NCAM1: variants seen among roughly 807,000 people sequenced by gnomAD.
NCAM1 encodes the protein antigen recognized by monoclonal antibody 5.1H11.
In NCAM1, 14 loss-of-function variants were observed where a neutral mutation model predicts 109.8. The observed-to-expected ratio is 0.13, with a 90% confidence interval of 0.08 to 0.20. NCAM1 has a LOEUF of 0.20. NCAM1 is among the 10% of genes least tolerant of loss of function. NCAM1 has a pLI of 1.00. For missense variants in NCAM1, 774 were observed against 1,109.9 expected (o/e 0.70, Z 4.30); for synonymous variants, 418 against 442.9 (o/e 0.94, Z 0.70).
At chr11:113,024,858 T>A (rs1200378765) in intron 1 of NCAM1, among the ~76,000 whole-genome samples, 1 of 152,224 alleles carries the variant, frequency 6.6e-6, no homozygotes, top group Non-Finnish European at 1.5e-5. Context: ...CTTAAAAAAA[T>A]GTAAGTGAAC....
At chr11:113,117,513 C>T (rs1028032225) in intron 1 of NCAM1, among the ~76,000 whole-genome samples, 1 of 151,890 alleles carries the variant, frequency 6.6e-6, no homozygotes, top group South Asian at 2.1e-4. Context: ...GTCTTATTGG[C>T]GTTTTTGCTT....
chr11:113,050,468 T>C (rs1012490314), intron 1 of NCAM1, among the ~76,000 whole-genome samples: 1 of 152,212 alleles, frequency 6.6e-6, no homozygotes, highest in Non-Finnish European at 1.5e-5. Flanking sequence ...TAATGAACTT[T>C]GTGGAATATC....
chr11:112,968,894 C>T (rs1555066224), intron 1 of NCAM1, among the ~76,000 whole-genome samples: 2 of 152,118 alleles, frequency 1.3e-5, no homozygotes, highest in African/African-American at 4.8e-5. Flanking sequence ...CTCAACAAAC[C>T]TTTGTGAAGT....
Position 113,275,491 on chromosome 11 carries a change from C to A in NCAM1, c.*104C>A. ...ACACACACGCACGCACACACACAAA[C>A]ACACATGCACACACACACATCTCAT... On this transcript the variant is annotated 3_prime_UTR_variant, in exon 20 of 20. Transcript: ENST00000316851. The A allele has an allele frequency of 7.7e-7, 1 of 1,299,956 alleles. No individual in the cohort carries two copies. Among genetic ancestry groups the A allele is most frequent in the South Asian group, 1.4e-5 (1 of 70,014 alleles). The allele number at this position is 1,299,956 out of a possible 1,614,324, so 80.5% of individuals were successfully genotyped here. A position where few individuals can be genotyped will look rare whatever the true frequency, so the allele number is the denominator to read the frequency against.
chr11:113,184,613 T>G (rs782803370), intron 1 of NCAM1, among the ~76,000 whole-genome samples: 1 of 152,192 alleles, frequency 6.6e-6, no homozygotes, highest in South Asian at 2.1e-4. Flanking sequence ...TTAACAAGAA[T>G]CCGCTCTGAG....
chr11:113,219,151 G>A (rs1944616095), intron 8 of NCAM1, among the ~76,000 whole-genome samples: 1 of 152,220 alleles, frequency 6.6e-6, no homozygotes, highest in Admixed American at 6.5e-5. Flanking sequence ...ATTGAGATCA[G>A]AAGAGATAGG....
chr11:113,194,097 C>G (rs1394412005), intron 1 of NCAM1, among the ~76,000 whole-genome samples: 1 of 152,146 alleles, frequency 6.6e-6, no homozygotes, highest in Non-Finnish European at 1.5e-5. Context: ...GCCGGATTCC[C>G]AGCAGCTCAT....
At chr11:113,259,799 G>A (rs1945934863) in intron 16 of NCAM1, among the ~76,000 whole-genome samples, 2 of 151,382 alleles carry the variant, frequency 1.3e-5, no homozygotes, top group South Asian at 4.2e-4. Context: ...CACCTCCTGG[G>A]TTCAAGCCAT....
intron 1 of NCAM1, among the ~76,000 whole-genome samples, chr11:113,035,122 A>G (rs1171409550): frequency 6.6e-6 from 1 of 152,230 alleles, no homozygotes; most frequent in Non-Finnish European, 1.5e-5. Flanking sequence ...TGAGTAAAAC[A>G]GTTGTTACAA....
At chr11:113,256,075 G>A (rs1945827240) in intron 16 of NCAM1, 74 bp downstream of exon 16, 1 of 1,532,534 alleles carries the variant, frequency 6.5e-7, no homozygotes, top group Admixed American at 2.0e-5. Flanking sequence ...AAACAACAGG[G>A]GCAGCCCACG....
intron 1 of NCAM1, among the ~76,000 whole-genome samples, chr11:113,199,273 G>T (rs1256286501): frequency 1.3e-5 from 2 of 152,166 alleles, no homozygotes; most frequent in Non-Finnish European, 2.9e-5. Flanking sequence ...GAAAGTTGAG[G>T]TAGGAATTTG....
chr11:113,126,766 T>G (rs1941197332), intron 1 of NCAM1, among the ~76,000 whole-genome samples: 1 of 152,182 alleles, frequency 6.6e-6, no homozygotes, highest in Admixed American at 6.5e-5. Context: ...GCAAACACAA[T>G]GCAAATTTGC....
chr11:112,990,260 G>T (rs908805826), intron 1 of NCAM1, among the ~76,000 whole-genome samples: 11 of 152,158 alleles, frequency 7.2e-5, no homozygotes, highest in African/African-American at 2.4e-4. Flanking sequence ...TTCCCACTGG[G>T]TCACTGGTTG....
rs1410328792 is a variant in NCAM1, at chr11:113,273,734, G to A, written c.2457-1533G>A. On this transcript the variant is annotated intron_variant, in intron 19 of 19. Transcript: ENST00000316851. This position sits in a 1 kb window ranked among gnomAD's most constrained non-coding sequence, Gnocchi z 6.0. ...CTGCAGACAGCTCTGTTTCGCCTGCGCCAGCAAAGACCGAGTACGGCCTCT... is the reference window on the plus strand; with the variant it reads ...CTGCAGACAGCTCTGTTTCGCCTGCACCAGCAAAGACCGAGTACGGCCTCT... 6 of 445,310 alleles carry A rather than the reference G, an allele frequency of 1.3e-5. No individual in the cohort carries two copies. The highest frequency in any genetic ancestry group is 2.3e-5 in the Non-Finnish European group (5 of 220,942). 27.6% of individuals were successfully genotyped at this position (445,310 alleles called of 1,614,324 possible). A position where few individuals can be genotyped will look rare whatever the true frequency, so the allele number is the denominator to read the frequency against.
intron 1 of NCAM1, among the ~76,000 whole-genome samples, chr11:113,101,886 A>G (rs1555091599): frequency 9.2e-5 from 14 of 152,204 alleles, no homozygotes. Flanking sequence ...TTATTTTATG[A>G]CATAAATAAG....
At chr11:113,086,039 A>C (rs1939070314) in intron 1 of NCAM1, among the ~76,000 whole-genome samples, 1 of 152,266 alleles carries the variant, frequency 6.6e-6, no homozygotes, top group South Asian at 2.1e-4. Flanking sequence ...ACCTTGGTAG[A>C]TGATAATAGA....
In NCAM1 at chr11:113,273,804, T is replaced by C; in HGVS notation, c.2457-1463T>C. 1 of 360,934 alleles carries C rather than the reference T, an allele frequency of 2.8e-6. No homozygotes were observed. The highest frequency in any genetic ancestry group is 2.0e-5 in the South Asian group (1 of 49,368). The allele number at this position is 360,934 out of a possible 1,614,324, so 22.4% of individuals were successfully genotyped here. A position where few individuals can be genotyped will look rare whatever the true frequency, so the allele number is the denominator to read the frequency against. ...GTTGTGTCCTGTGGTGGTGTGCATT[T>C]GTGCTGTGCTGTGTCCTCCTTGTTA... On this transcript the variant is annotated intron_variant, in intron 19 of 19. Transcript: ENST00000316851. The surrounding 1 kb of genome is among the most constrained non-coding windows in gnomAD (Gnocchi z 6.0).
chr11:113,045,376 G>C (rs551203801), intron 1 of NCAM1, among the ~76,000 whole-genome samples: 1 of 152,138 alleles, frequency 6.6e-6, no homozygotes, highest in East Asian at 1.9e-4. Context: ...GTCAGGCTTC[G>C]GCAGCTCGGC....
chr11:112,976,217 C>G (rs1555067669), intron 1 of NCAM1, among the ~76,000 whole-genome samples: 9 of 151,830 alleles, frequency 5.9e-5, no homozygotes. Context: ...TTTCTAAATA[C>G]TAAACTTTTT....
Sources: allele counts gnomAD v4.1 joint callset (sites outside exome capture counted in the v4.1 genomes callset), GRCh38; gene constraint gnomAD v4.1.1; non-coding constraint Gnocchi (gnomAD v3.1); transcripts MANE v1.5; gene names NCBI Gene and HGNC (gene_info 2026-07-23, HGNC 2026-07-21).